TENM4: variants seen among roughly 807,000 people sequenced by gnomAD.
TENM4 encodes teneurin-4.
In TENM4, 82 loss-of-function variants were observed where a neutral mutation model predicts 243.3. The ratio of observed to expected loss-of-function variants is 0.34; its 90% confidence interval spans 0.28 to 0.40. The LOEUF is 0.40. Ranked by LOEUF, TENM4 falls within the 10% of genes least tolerant of loss-of-function variation. TENM4 has a pLI of 1.00. For synonymous variants in TENM4, 1,412 were observed against 1,456.3 expected (o/e 0.97, Z 0.69); for missense variants, 3,138 against 3,673.3 (o/e 0.85, Z 3.77).
intron 32 of TENM4, among the ~76,000 whole-genome samples, chr11:78,665,392 C>T (rs1183807887): frequency 6.6e-6 from 1 of 152,138 alleles, no homozygotes; most frequent in African/African-American, 2.4e-5. Flanking sequence ...CTGCCTCAGC[C>T]TCCCAAGTAG....
intron 1 of TENM4, among the ~76,000 whole-genome samples, chr11:79,383,902 C>T (rs1590927406): frequency 6.6e-6 from 1 of 152,186 alleles, no homozygotes; most frequent in Non-Finnish European, 1.5e-5. Flanking sequence ...TCACATAAGG[C>T]ACGTCCCTGC....
intron 2 of TENM4, among the ~76,000 whole-genome samples, chr11:79,233,214 C>G (rs1485216040): frequency 6.6e-6 from 1 of 152,226 alleles, no homozygotes; most frequent in Non-Finnish European, 1.5e-5. Flanking sequence ...ACAGACTGGT[C>G]TATTTCTTAT....
intron 15 of TENM4, among the ~76,000 whole-genome samples, chr11:78,798,079 G>A (rs1411668784): frequency 2.6e-5 from 4 of 152,144 alleles, no homozygotes; most frequent in South Asian, 2.1e-4. Flanking sequence ...ATGAACATAA[G>A]ACAATTTCTC....
At chr11:79,016,017 G>A (rs2136776711) in intron 6 of TENM4, among the ~76,000 whole-genome samples, 1 of 152,308 alleles carries the variant, frequency 6.6e-6, no homozygotes, top group Admixed American at 6.5e-5. Context: ...AGCCTGATGA[G>A]ACCAAGGTAC....
intron 6 of TENM4, among the ~76,000 whole-genome samples, chr11:79,026,699 G>A (rs933551432): frequency 5.9e-5 from 9 of 152,140 alleles, no homozygotes; most frequent in African/African-American, 9.7e-5. Flanking sequence ...GTCCAGCTTC[G>A]CAGAGAAGGG....
intron 3 of TENM4, among the ~76,000 whole-genome samples, chr11:79,184,075 T>C (rs1344808039): frequency 1.3e-5 from 2 of 152,218 alleles, no homozygotes; most frequent in African/African-American, 4.8e-5. Context: ...AGGAGCATTA[T>C]TGACAACAGT....
At chr11:79,223,189 C>A (rs190989679) in intron 2 of TENM4, among the ~76,000 whole-genome samples, 1 of 151,904 alleles carries the variant, frequency 6.6e-6, no homozygotes, top group African/African-American at 2.4e-5. Context: ...TGAGAAAGAT[C>A]GTGTGTTTAG....
At chr11:79,046,573 C>T (rs1051118355) in intron 6 of TENM4, among the ~76,000 whole-genome samples, 2 of 152,110 alleles carry the variant, frequency 1.3e-5, no homozygotes, top group African/African-American at 4.8e-5. Context: ...GGGTGGGAAC[C>T]TACTCCAATA....
At chr11:78,693,032 C>CCT (rs1241524051) in intron 28 of TENM4, among the ~76,000 whole-genome samples, 3 of 152,124 alleles carry the variant, frequency 2.0e-5, no homozygotes, top group African/African-American at 7.2e-5. Flanking sequence ...AGGACAGAGA[C>CCT]CTTGTCTGTA....
intron 3 of TENM4, among the ~76,000 whole-genome samples, chr11:79,154,270 C>A (rs541730376): frequency 7.0e-4 from 106 of 152,158 alleles, no homozygotes; most frequent in African/African-American, 2.5e-3. Flanking sequence ...GCCAGCACAT[C>A]ACATGGCAAG....
At chr11:79,191,768 T>G (rs1224262881) in intron 3 of TENM4, 30 of 180,120 alleles carry the variant, frequency 1.7e-4, no homozygotes, top group African/African-American at 6.1e-4. Context: ...GAGCGCCTCG[T>G]CCCGGCCGCG....
intron 23 of TENM4, among the ~76,000 whole-genome samples, chr11:78,723,910 A>C (rs980174096): frequency 6.6e-6 from 1 of 152,154 alleles, no homozygotes; most frequent in Non-Finnish European, 1.5e-5. Context: ...GTACTTTGTT[A>C]GGTTTTAGGA....
At chr11:78,754,907 C>T (rs1436934388) in intron 19 of TENM4, among the ~76,000 whole-genome samples, 1 of 152,148 alleles carries the variant, frequency 6.6e-6, no homozygotes, top group Non-Finnish European at 1.5e-5. Context: ...ACTTGCTGGG[C>T]TTCCTTCATC....
chr11:79,279,407 T>G (rs1455356163), intron 2 of TENM4, among the ~76,000 whole-genome samples: 1 of 152,114 alleles, frequency 6.6e-6, no homozygotes, highest in Non-Finnish European at 1.5e-5. Flanking sequence ...CAGGGTCAAG[T>G]CTGACTTCTT....
chr11:78,774,886 T>A (rs114278362), intron 17 of TENM4, among the ~76,000 whole-genome samples: 1 of 152,200 alleles, frequency 6.6e-6, no homozygotes, highest in Non-Finnish European at 1.5e-5. Context: ...AGATGAGATA[T>A]ATCATCTGCC....
At chr11:78,875,741 CCT>C (rs1206191290) in intron 9 of TENM4, among the ~76,000 whole-genome samples, 9 of 152,122 alleles carry the variant, frequency 5.9e-5, no homozygotes, top group Non-Finnish European at 1.3e-4. Context: ...GCATGGTGCC[CCT>C]GTTTGCACTT....
intron 9 of TENM4, among the ~76,000 whole-genome samples, chr11:78,884,712 A>T (rs553689547): frequency 1.3e-5 from 2 of 152,352 alleles, no homozygotes; most frequent in East Asian, 3.9e-4. Context: ...CAAAAAGCCA[A>T]ATATTAAGAT....
intron 6 of TENM4, among the ~76,000 whole-genome samples, chr11:79,049,179 A>T (rs1459111392): frequency 6.6e-6 from 1 of 152,204 alleles, no homozygotes; most frequent in African/African-American, 2.4e-5. Flanking sequence ...GTCACTGGGC[A>T]GCACAATTCC....
chr11:79,371,611 T>G (rs1857788075), intron 1 of TENM4, among the ~76,000 whole-genome samples: 1 of 152,178 alleles, frequency 6.6e-6, no homozygotes, highest in Non-Finnish European at 1.5e-5. Context: ...ATCCCAGATC[T>G]CTTTGCTTCT....
Sources: gnomAD v4.1 joint callset for allele counts (sites outside exome capture counted in the v4.1 genomes callset) on GRCh38, gnomAD v4.1.1 for gene constraint, MANE v1.5 for transcripts, NCBI Gene and HGNC (gene_info 2026-07-23, HGNC 2026-07-21) for gene names.